Variants in CTDSPL2 observed in about 807,000 individuals in gnomAD.
The protein encoded by CTDSPL2 is CTD small phosphatase-like protein 2.
A neutral mutation model predicts 60.0 loss-of-function variants in CTDSPL2; 5 were observed. The ratio of observed to expected loss-of-function variants is 0.08; its 90% CI spans 0.04 to 0.18. CTDSPL2 has a LOEUF of 0.18. CTDSPL2 is among the 10% of genes least tolerant of loss of function. CTDSPL2 has a pLI of 1.00. For synonymous variants in CTDSPL2, 186 were observed against 189.3 expected, an observed-to-expected ratio of 0.98 and a Z score of 0.14; for missense variants, 370 against 548.8, an observed-to-expected ratio of 0.67 and a Z score of 3.26.
At chr15:44,462,177 C>A (rs1267691117) in intron 2 of CTDSPL2, among the ~76,000 whole-genome samples, 1 of 152,196 alleles carries the variant, frequency 6.6e-6, no homozygotes, top group Non-Finnish European at 1.5e-5. Flanking sequence ...CTCCTGGTCT[C>A]AAGCTGTTTG....
chr15:44,479,312 T>G (rs1170260975), intron 2 of CTDSPL2, among the ~76,000 whole-genome samples: 2 of 152,070 alleles, frequency 1.3e-5, no homozygotes, highest in African/African-American at 4.8e-5. Context: ...TAGTCTTTAT[T>G]TCTGAAATGA....
chr15:44,470,320 TCAA>T (rs886432259), intron 2 of CTDSPL2: 1 of 152,152 alleles, frequency 6.6e-6, no homozygotes, highest in Non-Finnish European at 1.5e-5. Flanking sequence ...TCTCATTATC[TCAA>T]GTGATATTAT....
At chr15:44,501,872 T>C in intron 8 of CTDSPL2, 1 of 390,350 alleles carries the variant, frequency 2.6e-6, no homozygotes. Flanking sequence ...TTTTAAAAAA[T>C]AAATGAAGAA....
intron 8 of CTDSPL2, among the ~76,000 whole-genome samples, chr15:44,504,762 C>T (rs925406453): frequency 7.9e-5 from 12 of 151,554 alleles, no homozygotes; most frequent in South Asian, 2.1e-4. Context: ...CCCAGCTACT[C>T]GATAGGCTGA....
intron 8 of CTDSPL2, among the ~76,000 whole-genome samples, chr15:44,504,537 C>A (rs2081427538): frequency 6.6e-6 from 1 of 152,106 alleles, no homozygotes; most frequent in South Asian, 2.1e-4. Flanking sequence ...TACTAACCAA[C>A]ATGCACATTG....
chr15:44,466,265 G>C (rs887372730), intron 2 of CTDSPL2, among the ~76,000 whole-genome samples: 2 of 151,810 alleles, frequency 1.3e-5, no homozygotes, highest in African/African-American at 4.8e-5. Context: ...TGATTCACCC[G>C]CCTTGGCCTC....
At position 44,526,020 on chromosome 15, in the gene CTDSPL2, T is replaced by A. The variant is rs182675506; in HGVS notation, c.*1846T>A. 1.5e-3 allele frequency: 232 copies of A among 152,622 alleles called. No individual in the cohort carries two copies. Among genetic ancestry groups the A allele is most frequent in the Non-Finnish European group, 2.0e-3 (137 of 67,974 alleles). The allele number at this position is 152,622 out of a possible 1,614,324, so 9.5% of individuals were successfully genotyped here. A position where few individuals can be genotyped will look rare whatever the true frequency, so the allele number is the denominator to read the frequency against. ...TTGCAATTCAGAATACTGATTTTTT[T>A]AATTTTATTTAAAGAAAGGTATTTT... On this transcript the variant is annotated 3_prime_UTR_variant, in exon 13 of 13. Transcript: ENST00000260327.
intron 10 of CTDSPL2, among the ~76,000 whole-genome samples, chr15:44,517,651 T>A (rs1200024630): frequency 6.6e-6 from 1 of 152,328 alleles, no homozygotes; most frequent in East Asian, 1.9e-4. Context: ...AATGAATAAT[T>A]GGAAGGCTTT....
chr15:44,482,630 CAGG>C (rs1488002267), intron 2 of CTDSPL2, among the ~76,000 whole-genome samples: 2 of 152,238 alleles, frequency 1.3e-5, no homozygotes, highest in East Asian at 1.9e-4. Flanking sequence ...TTTTAAAATA[CAGG>C]AGAATAGTAC....
Position 44,524,146 on chromosome 15 carries a change from G to A in CTDSPL2, c.1373G>A (p.Arg458His), listed in dbSNP as rs773514762. 4 of 1,613,776 alleles carry A rather than the reference G, an allele frequency of 2.5e-6. No individual in the cohort carries two copies. Among genetic ancestry groups the A allele is most frequent in the South Asian group, 2.2e-5 (2 of 91,074 alleles). Residue 458 changes from arginine to histidine, a missense_variant, in exon 13 of 13, where the codon CGC becomes CAC. By Grantham distance (29) the Arg-to-His change is conservative (BLOSUM62 0). Coordinates refer to ENST00000260327, the MANE Select transcript of CTDSPL2 (RefSeq NM_016396.3). ...DVRPHIRDRFRLHDLLPPD is the reference protein window; with the variant it reads ...DVRPHIRDRFHLHDLLPPD ...CGACCACACATCAGAGACAGATTTCGCTTGCATGATTTGCTGCCCCCAGAT... is the reference window on the plus strand; with the variant it reads ...CGACCACACATCAGAGACAGATTTCACTTGCATGATTTGCTGCCCCCAGAT...
intron 8 of CTDSPL2, among the ~76,000 whole-genome samples, chr15:44,505,009 A>T (rs931834683): frequency 6.6e-6 from 1 of 152,204 alleles, no homozygotes; most frequent in Non-Finnish European, 1.5e-5. Context: ...ATTCATTATT[A>T]ATTGGCTAAA....
chr15:44,504,346 T>C (rs2081424674), intron 8 of CTDSPL2, among the ~76,000 whole-genome samples: 1 of 152,086 alleles, frequency 6.6e-6, no homozygotes, highest in African/African-American at 2.4e-5. Flanking sequence ...CGAGTCTCCA[T>C]CTCAAAAAAG....
chr15:44,488,821 AAAAAC>A (rs1272300994), intron 4 of CTDSPL2, among the ~76,000 whole-genome samples: 2 of 152,286 alleles, frequency 1.3e-5, no homozygotes, highest in South Asian at 2.1e-4. Flanking sequence ...CTCCATCTCA[AAAAAC>A]AAAACAAAAC....
intron 1 of CTDSPL2, among the ~76,000 whole-genome samples, chr15:44,452,412 A>C (rs1430903844): frequency 6.6e-6 from 1 of 152,178 alleles, no homozygotes; most frequent in Non-Finnish European, 1.5e-5. Context: ...ACATGAAAAC[A>C]CCACAGTATT....
intron 1 of CTDSPL2, among the ~76,000 whole-genome samples, chr15:44,457,930 T>C (rs561857145): frequency 6.6e-6 from 1 of 152,342 alleles, no homozygotes; most frequent in South Asian, 2.1e-4. Flanking sequence ...TTCTATTTTT[T>C]AAAAAGTTTC....
intron 2 of CTDSPL2, among the ~76,000 whole-genome samples, chr15:44,468,363 A>G (rs757996292): frequency 1.7e-4 from 26 of 151,806 alleles, no homozygotes; most frequent in Non-Finnish European, 3.7e-4. Context: ...TAGAATTTGT[A>G]ATGGTGCTCC....
chr15:44,486,628 C>A lies in CTDSPL2; in HGVS notation c.403C>A (p.Pro135Thr). Residue 135 changes from proline (P) to threonine (T), a missense_variant, in exon 4 of 13, where the codon CCT (proline) becomes ACT (threonine). Physicochemically the swap from Pro to Thr is conservative, Grantham distance 38. This residue lies in a region of CTDSPL2 where 287 missense variants were observed against 296.1 expected (regional missense o/e 0.97). Transcript: ENST00000260327. ...AGAAGATAATCCTTCCTCTGGCAGT[C>A]CTCCAAGGACTACTTTGTTGGGGAC... ...KLEDNPSSGS[P>T]PRTTLLGTIF... 6.3e-7 allele frequency: 1 copy of A among 1,593,746 alleles called. No homozygotes were observed. The highest frequency in any genetic ancestry group is 8.5e-7 in the Non-Finnish European group (1 of 1,171,492).
intron 1 of CTDSPL2, among the ~76,000 whole-genome samples, chr15:44,432,310 TTTATTA>T (rs5812274): frequency 1.5e-4 from 22 of 147,962 alleles, no homozygotes; most frequent in South Asian, 8.5e-4. Context: ...ATATTATTAT[TTTATTA>T]TTATTATTAT....
intron 8 of CTDSPL2, among the ~76,000 whole-genome samples, chr15:44,513,615 T>C (rs745832131): frequency 6.6e-6 from 1 of 152,224 alleles, no homozygotes; most frequent in Non-Finnish European, 1.5e-5. Context: ...CCACTAAGCC[T>C]GGGTTTGAAT....
Sources: gnomAD v4.1 joint callset for allele counts (sites outside exome capture counted in the v4.1 genomes callset) on GRCh38, gnomAD v4.1.1 for gene constraint, gnomAD v4.1.1 regional missense constraint, MANE v1.5 for transcripts, NCBI Gene and HGNC (gene_info 2026-07-23, HGNC 2026-07-21) for gene names.